The following JMY variants were observed in gnomAD, a reference collection of about 807,000 sequenced individuals.
JMY encodes junction mediating and regulatory protein, p53 cofactor.
A neutral mutation model predicts 103.3 loss-of-function variants in JMY; 46 were observed. That is an observed-to-expected ratio of 0.45 (90% CI 0.35 to 0.57). The LOEUF is 0.57. Ranked by LOEUF, JMY falls within the 20% of genes least tolerant of loss-of-function variation. The probability of loss-of-function intolerance (pLI) is 0.00; values close to 1 mark genes in which losing one functional copy is unlikely to be tolerated. For missense variants in JMY, 1,238 were observed against 1,255.2 expected (o/e 0.99, Z 0.21); for synonymous variants, 526 against 489.3 (o/e 1.07, Z -0.99).
intron 1 of JMY, among the ~76,000 whole-genome samples, chr5:79,244,858 G>A (rs1054609605): frequency 6.7e-6 from 1 of 149,312 alleles, no homozygotes; most frequent in Non-Finnish European, 1.5e-5. Flanking sequence ...GGTAGAGATA[G>A]TGAAGTTCAT....
chr5:79,261,613 C>T (rs2112066593), intron 1 of JMY, among the ~76,000 whole-genome samples: 1 of 152,204 alleles, frequency 6.6e-6, no homozygotes, highest in East Asian at 1.9e-4. Flanking sequence ...TACTATTTTC[C>T]CTAACCCCCC....
At position 79,237,632 on chromosome 5, in the gene JMY, C is replaced by A; in HGVS notation, c.982C>A (p.Gln328Lys). ...EYYESLSELR[Q>K]KGYEEVLQRA... ...TTACGAAAGCCTCAGCGAGCTGCGG[C>A]AGAAGGGCTACGAAGAAGTGCTTCA... Residue 328 changes from glutamine (Q) to lysine (K), a missense_variant, in exon 1 of 11, where the codon CAG (glutamine) becomes AAG (lysine). Physicochemically the swap from Gln to Lys is moderately conservative, Grantham distance 53 (BLOSUM62 1). Coordinates refer to ENST00000396137, the MANE Select transcript of JMY (RefSeq NM_152405.5). 1 of 1,613,766 alleles carries A rather than the reference C, an allele frequency of 6.2e-7. No homozygotes were observed. Among genetic ancestry groups the A allele is most frequent in the Non-Finnish European group, 8.5e-7 (1 of 1,179,998 alleles).
At chr5:79,247,612 C>G (rs574018190) in intron 1 of JMY, among the ~76,000 whole-genome samples, 6 of 151,944 alleles carry the variant, frequency 3.9e-5, no homozygotes, top group Admixed American at 3.9e-4. Flanking sequence ...CCACCTTGCC[C>G]GGCCCCTGCT....
intron 1 of JMY, among the ~76,000 whole-genome samples, chr5:79,254,239 G>A (rs1745173971): frequency 6.6e-6 from 1 of 151,990 alleles, no homozygotes; most frequent in South Asian, 2.1e-4. Context: ...TTACAGGCAT[G>A]AGCCATCACG....
chr5:79,297,993 G>A (rs1345204739), intron 4 of JMY, among the ~76,000 whole-genome samples: 2 of 152,200 alleles, frequency 1.3e-5, no homozygotes, highest in Non-Finnish European at 2.9e-5. Flanking sequence ...TGCAGTCAGA[G>A]TACTGTTCTC....
rs191413030 is a variant in JMY at position 79,263,069 on chromosome 5, A to G, written c.1033-14841A>G. 1.9e-3 allele frequency among the ~76,000 whole-genome samples: 293 copies of G among 151,956 alleles called. 1 individual carries two copies. Among genetic ancestry groups the G allele is most frequent in the African/African-American group, 6.6e-3 (275 of 41,398 alleles). ...AATTGTGGCATTTGATCACTTGTAA[A>G]TGACTCAGGGGGATTTTACTATTGA... On this transcript the variant is annotated intron_variant, in intron 1 of 10. Coordinates refer to ENST00000396137, the MANE Select transcript of JMY (RefSeq NM_152405.5).
chr5:79,293,164 C>T (rs1357037419), intron 4 of JMY, among the ~76,000 whole-genome samples: 2 of 151,686 alleles, frequency 1.3e-5, no homozygotes, highest in African/African-American at 4.8e-5. Flanking sequence ...ATTAAGACAA[C>T]CCTAAAAATG....
chr5:79,250,758 T>C (rs181309816), intron 1 of JMY, among the ~76,000 whole-genome samples: 24 of 151,664 alleles, frequency 1.6e-4, no homozygotes, highest in African/African-American at 5.8e-4. Flanking sequence ...TTTCTAATTA[T>C]ACCTACTTTT....
intron 2 of JMY, 94 bp from the exon 3 acceptor site, chr5:79,290,027 A>G (rs1169522738): frequency 4.8e-6 from 4 of 826,074 alleles, no homozygotes; most frequent in African/African-American, 1.7e-5. Flanking sequence ...GCAGGGAAGA[A>G]CAAGTATTCT....
Position 79,323,867 on chromosome 5 carries a change from T to G in JMY, c.*2265T>G, listed in dbSNP as rs1035813639. The G allele has an allele frequency of 6.6e-6, 1 of 151,686 alleles. No individual in the cohort carries two copies. The highest frequency in any genetic ancestry group is 2.4e-5 in the African/African-American group (1 of 41,272). 9.4% of individuals were successfully genotyped at this position (151,686 alleles called of 1,614,324 possible). On this transcript the variant is annotated 3_prime_UTR_variant, in exon 11 of 11. Transcript: ENST00000396137. ...GTGTGTAGAACTCCACTCAGCCTCATGGATACATCTACAAGTCTCTCAACC... is the reference window on the plus strand; with the variant it reads ...GTGTGTAGAACTCCACTCAGCCTCAGGGATACATCTACAAGTCTCTCAACC...
intron 1 of JMY, among the ~76,000 whole-genome samples, chr5:79,239,890 C>G (rs895157468): frequency 1.3e-5 from 2 of 151,694 alleles, no homozygotes; most frequent in Non-Finnish European, 2.9e-5. Flanking sequence ...CAAAAATAAG[C>G]TCTCAAAAAA....
Position 79,325,540 on chromosome 5 carries a change from T to C in JMY, c.*3938T>C, listed in dbSNP as rs951771222. ...TCTATTTCCCACTTACTGCTTAGCA[T>C]AGAAAAAGAGCTATGGTTAGAGGAG... is the stretch of plus-strand genomic sequence containing the variant. On this transcript the variant is annotated 3_prime_UTR_variant, in exon 11 of 11. Transcript: ENST00000396137. 6.6e-6 allele frequency: 1 copy of C among 152,158 alleles called. No homozygotes were observed. The highest frequency in any genetic ancestry group is 2.4e-5 in the African/African-American group (1 of 41,442). 9.4% of individuals were successfully genotyped at this position (152,158 alleles called of 1,614,324 possible).
chr5:79,290,231 T>C lies in JMY; in HGVS notation c.1317T>C (p.Leu439=), dbSNP rs1367223622. 6.5e-7 allele frequency: 1 copy of C among 1,533,440 alleles called. No individual in the cohort carries two copies. Among genetic ancestry groups the C allele is most frequent in the Non-Finnish European group, 8.8e-7 (1 of 1,136,278 alleles). 95.0% of individuals were successfully genotyped at this position (1,533,440 alleles called of 1,614,324 possible). The part of the protein sequence containing the change: ...AHMAVLSIQD[L]TVKYFEITAK... ...TGGCTGTACTGTCTATTCAAGATCTTACTGTCAAGTACTTTGAAATAACAG... is the reference window on the plus strand; with the variant it reads ...TGGCTGTACTGTCTATTCAAGATCTCACTGTCAAGTACTTTGAAATAACAG... Residue 439 remains leucine, a synonymous_variant, in exon 3 of 11, where the codon CTT becomes CTC. Transcript: ENST00000396137.
At chr5:79,253,361 C>T (rs976625274) in intron 1 of JMY, among the ~76,000 whole-genome samples, 4 of 151,472 alleles carry the variant, frequency 2.6e-5, no homozygotes, top group Admixed American at 1.3e-4. Flanking sequence ...GGCGCAATCT[C>T]GGGTCACTAC....
chr5:79,263,685 AT>A (rs201643975), intron 1 of JMY, among the ~76,000 whole-genome samples: 1 of 150,826 alleles, frequency 6.6e-6, no homozygotes, highest in Non-Finnish European at 1.5e-5. Flanking sequence ...GGCCACTAAA[AT>A]TTTTTTTTAT....
intron 1 of JMY, 22 bp downstream of exon 1, chr5:79,237,704 C>T (rs1195777324): frequency 6.3e-7 from 1 of 1,581,952 alleles, no homozygotes. Flanking sequence ...AGCTCCTAGT[C>T]TGGGCTCTAC....
chr5:79,307,351 T>C (rs1198958988), intron 7 of JMY, among the ~76,000 whole-genome samples: 2 of 152,242 alleles, frequency 1.3e-5, no homozygotes, highest in Non-Finnish European at 2.9e-5. Context: ...CTGTTCCATT[T>C]TGAACTCCCA....
In JMY at chr5:79,277,998, AAG is replaced by A; in HGVS notation, c.1122_1123del (p.Glu374AspfsTer34). ...GATGAAGCCTACAGCAGCCTTGCAG[AAG>A]CTACAACCGAACTCTATCAGTATTT... is the stretch of plus-strand genomic sequence containing the variant. On this transcript the variant is annotated frameshift_variant, in exon 2 of 11. Transcript: ENST00000396137. LOFTEE classifies it high-confidence loss of function. 1 of 1,614,094 alleles carries A rather than the reference AAG, an allele frequency of 6.2e-7. No homozygotes were observed. The highest frequency in any genetic ancestry group is 8.5e-7 in the Non-Finnish European group (1 of 1,179,980).
At chr5:79,284,978 ACTAGACGAACCT>A (rs1191277819) in intron 2 of JMY, 1 of 1,093,012 alleles carries the variant, frequency 9.1e-7, no homozygotes, top group East Asian at 2.5e-5. Context: ...TGAAGTTGAA[ACTAGACGAACCT>A]CTAGATTTTT....
Sources: allele counts gnomAD v4.1 joint callset (sites outside exome capture counted in the v4.1 genomes callset), GRCh38; gene constraint gnomAD v4.1.1; transcripts MANE v1.5; gene names NCBI Gene and HGNC (gene_info 2026-07-23, HGNC 2026-07-21).